FAM124A: variants seen among roughly 807,000 people sequenced by gnomAD.
FAM124A encodes family with sequence similarity 124 member A.
In FAM124A, 23 loss-of-function variants were observed where a neutral mutation model predicts 24.5. That is an observed-to-expected ratio of 0.94 (90% CI 0.68 to 1.33). The LOEUF (loss-of-function observed/expected upper bound fraction) is 1.33. FAM124A is among the 40% of genes most tolerant of loss of function. FAM124A has a pLI of 0.00. For synonymous variants in FAM124A, 287 were observed against 314.7 expected, an observed-to-expected ratio of 0.91 and a Z score of 0.93; for missense variants, 623 against 722.8, an observed-to-expected ratio of 0.86 and a Z score of 1.58.
intron 1 of FAM124A, among the ~76,000 whole-genome samples, chr13:51,226,013 A>C (rs1297318307): frequency 1.2e-5 from 1 of 84,016 alleles, no homozygotes; most frequent in Non-Finnish European, 2.0e-5. Flanking sequence ...TTTTTTTTTA[A>C]CAGACAGGTC....
At chr13:51,242,913 C>T (rs1002483896) in intron 2 of FAM124A, among the ~76,000 whole-genome samples, 2 of 152,148 alleles carry the variant, frequency 1.3e-5, no homozygotes, top group African/African-American at 2.4e-5. Flanking sequence ...CTTATAAAAG[C>T]GTGAGAGGGC....
At chr13:51,249,963 CTTT>C (rs564805662) in intron 2 of FAM124A, among the ~76,000 whole-genome samples, 16 of 152,324 alleles carry the variant, frequency 1.1e-4, no homozygotes, top group African/African-American at 3.8e-4. Flanking sequence ...GTGCCAGCTT[CTTT>C]GTGTCCCCAG....
chr13:51,280,014 A>G (rs557885634), intron 3 of FAM124A, among the ~76,000 whole-genome samples: 2 of 152,310 alleles, frequency 1.3e-5, no homozygotes, highest in Admixed American at 6.5e-5. Flanking sequence ...TCCTCTCATC[A>G]GTAACATTTA....
At chr13:51,262,953 G>A (rs1954751436) in intron 3 of FAM124A, among the ~76,000 whole-genome samples, 2 of 152,366 alleles carry the variant, frequency 1.3e-5, no homozygotes, top group South Asian at 4.1e-4. Flanking sequence ...ACATCTGCAA[G>A]CACTCACCCA....
Position 51,281,987 on chromosome 13 carries a change from C to G in FAM124A, c.*731C>G, listed in dbSNP as rs1394844752. On this transcript the variant is annotated 3_prime_UTR_variant, in exon 4 of 4. Transcript: ENST00000322475. Reference sequence around the variant, plus strand: ...ATTTGCATACACCTTTTCAACAGCACATTTCACTGGAATGGATGAGGGGCT... The same window carrying G: ...ATTTGCATACACCTTTTCAACAGCAGATTTCACTGGAATGGATGAGGGGCT... 6.6e-6 allele frequency: 1 copy of G among 152,164 alleles called. No individual in the cohort carries two copies. The highest frequency in any genetic ancestry group is 1.5e-5 in the Non-Finnish European group (1 of 68,036). 9.4% of individuals were successfully genotyped at this position (152,164 alleles called of 1,614,324 possible).
intron 2 of FAM124A, among the ~76,000 whole-genome samples, chr13:51,231,783 C>T (rs1342021023): frequency 2.0e-5 from 3 of 152,232 alleles, no homozygotes; most frequent in African/African-American, 7.2e-5. Flanking sequence ...TGCATGTCTG[C>T]ATCTGCAGGC....
intron 3 of FAM124A, among the ~76,000 whole-genome samples, chr13:51,267,739 T>C (rs1025234706): frequency 2.0e-5 from 3 of 152,236 alleles, no homozygotes; most frequent in Admixed American, 1.3e-4. Flanking sequence ...AGGGTTAAGC[T>C]GCCCTTCTAC....
At chr13:51,255,803 A>G (rs183602131) in intron 3 of FAM124A, among the ~76,000 whole-genome samples, 2 of 152,346 alleles carry the variant, frequency 1.3e-5, no homozygotes, top group Admixed American at 1.3e-4. Context: ...CAAACAGAAT[A>G]GCCCCCACTC....
intron 2 of FAM124A, among the ~76,000 whole-genome samples, chr13:51,248,243 G>C (rs1404237004): frequency 1.3e-5 from 2 of 152,102 alleles, no homozygotes; most frequent in Non-Finnish European, 2.9e-5. Flanking sequence ...TCCTATTTCA[G>C]TTAAACATCA....
intron 2 of FAM124A, among the ~76,000 whole-genome samples, chr13:51,231,636 TG>T (rs1954377954): frequency 2.6e-5 from 4 of 152,210 alleles, no homozygotes; most frequent in Admixed American, 2.6e-4. Context: ...GCATCATCTC[TG>T]AAGAATCTGA....
At chr13:51,225,286 G>A (rs1426515478) in intron 1 of FAM124A, 1 of 152,176 alleles carries the variant, frequency 6.6e-6, no homozygotes, top group Non-Finnish European at 1.5e-5. Flanking sequence ...TCTTCATGAT[G>A]ACATTGCATT....
chr13:51,239,911 C>G (rs778346826), intron 2 of FAM124A, among the ~76,000 whole-genome samples: 3 of 152,168 alleles, frequency 2.0e-5, no homozygotes, highest in Admixed American at 6.5e-5. Flanking sequence ...GGGAGACTTT[C>G]AGGTTTTGGA....
intron 3 of FAM124A, among the ~76,000 whole-genome samples, chr13:51,277,681 CTA>C (rs1954897323): frequency 6.6e-6 from 1 of 152,182 alleles, no homozygotes; most frequent in Admixed American, 6.5e-5. Context: ...GTGGTCCCAG[CTA>C]CTCAGGAGGC....
At chr13:51,276,579 C>A (rs893764858) in intron 3 of FAM124A, among the ~76,000 whole-genome samples, 15 of 152,302 alleles carry the variant, frequency 9.8e-5, no homozygotes, top group South Asian at 4.1e-4. Context: ...CCCTTTCCAT[C>A]CAAATCCTCT....
intron 3 of FAM124A, among the ~76,000 whole-genome samples, chr13:51,266,574 A>C (rs905562979): frequency 1.3e-5 from 2 of 152,216 alleles, no homozygotes; most frequent in Non-Finnish European, 2.9e-5. Context: ...CTGCAAGTTT[A>C]TAGCAATTGT....
intron 2 of FAM124A, among the ~76,000 whole-genome samples, chr13:51,249,639 A>G (rs889858134): frequency 5.9e-5 from 9 of 152,240 alleles, no homozygotes; most frequent in African/African-American, 2.2e-4. Flanking sequence ...TTAGTACTTT[A>G]TTGGAAATTT....
At position 51,281,101 on chromosome 13, in the gene FAM124A, G is replaced by T; in HGVS notation, c.1486G>T (p.Ala496Ser). 2 of 1,614,004 alleles carry T rather than the reference G, an allele frequency of 1.2e-6. No homozygotes were observed. The highest frequency in any genetic ancestry group is 1.7e-6 in the Non-Finnish European group (2 of 1,180,004). Residue 496 changes from alanine (A) to serine (S), a missense_variant, in exon 4 of 4, where the codon GCT becomes TCT. Ala to Ser is a moderately conservative substitution (Grantham distance 99). Coordinates refer to ENST00000322475, the MANE Select transcript of FAM124A (RefSeq NM_001242312.2). ...RSSSSSATAR[A>S]APPAPSTSTL... ...TTCCAGCTCCTCAGCGACAGCTCGTGCTGCTCCCCCAGCTCCCAGCACCTC... is the reference window on the plus strand; with the variant it reads ...TTCCAGCTCCTCAGCGACAGCTCGTTCTGCTCCCCCAGCTCCCAGCACCTC...
intron 2 of FAM124A, among the ~76,000 whole-genome samples, chr13:51,232,340 A>G (rs1954386961): frequency 6.6e-6 from 1 of 152,224 alleles, no homozygotes; most frequent in South Asian, 2.1e-4. Context: ...GTCTTAATAT[A>G]AAGGCCCTGA....
intron 3 of FAM124A, among the ~76,000 whole-genome samples, chr13:51,274,062 G>A (rs912921194): frequency 2.6e-5 from 4 of 152,284 alleles, no homozygotes; most frequent in African/African-American, 7.2e-5. Context: ...ATTTGTTGGC[G>A]CTAGCTCCGG....
Sources: gnomAD v4.1 joint callset for allele counts (sites outside exome capture counted in the v4.1 genomes callset) on GRCh38, gnomAD v4.1.1 for gene constraint, MANE v1.5 for transcripts, NCBI Gene and HGNC (gene_info 2026-07-23, HGNC 2026-07-21) for gene names.